The following RASSF3 variants were observed in gnomAD, a reference collection of about 807,000 sequenced individuals.
RASSF3 encodes the protein Ras association domain family member 3.
In RASSF3, 19 loss-of-function variants were observed where a neutral mutation model predicts 19.9. The ratio of observed to expected loss-of-function variants is 0.96; its 90% CI spans 0.67 to 1.40. The LOEUF is 1.40. Ranked by LOEUF, RASSF3 falls within the 40% of genes most tolerant of loss-of-function variation. RASSF3 has a pLI of 0.00. For synonymous variants in RASSF3, 110 were observed against 104.2 expected, an observed-to-expected ratio of 1.06 and a Z score of -0.34; for missense variants, 306 against 289.8, an observed-to-expected ratio of 1.06 and a Z score of -0.41.
At chr12:64,590,782 C>A (rs1426086224) in intron 2 of RASSF3, among the ~76,000 whole-genome samples, 1 of 152,154 alleles carries the variant, frequency 6.6e-6, no homozygotes, top group Non-Finnish European at 1.5e-5. Context: ...CAGCTGTGAG[C>A]ATGGACCCAT....
chr12:64,545,266 G>C (rs542555884), downstream of RASSF3, among the ~76,000 whole-genome samples: 4 of 152,178 alleles, frequency 2.6e-5, no homozygotes, highest in East Asian at 5.8e-4. Context: ...ATGCTTGTTT[G>C]GCTTGGAAAA....
At chr12:64,666,091 T>C (rs987008503) in intron 1 of RASSF3, among the ~76,000 whole-genome samples, 1 of 152,274 alleles carries the variant, frequency 6.6e-6, no homozygotes, top group Non-Finnish European at 1.5e-5. Context: ...TGATCACTTT[T>C]TTATGGAGCC....
intron 1 of RASSF3, among the ~76,000 whole-genome samples, chr12:64,637,426 T>TC (rs202174532): frequency 0.017 from 2,589 of 148,502 alleles, 75 homozygotes; most frequent in African/African-American, 0.06. Flanking sequence ...TTTCTTTCTT[T>TC]TTTTTTTTTT....
downstream of RASSF3, among the ~76,000 whole-genome samples, chr12:64,543,004 C>T (rs1421672486): frequency 7.0e-6 from 1 of 143,702 alleles, no homozygotes; most frequent in Non-Finnish European, 1.5e-5. Flanking sequence ...CTTGGCGGGG[C>T]CCCGCACTTG....
At chr12:64,537,973 G>C (rs138389392) in intron 1 of RASSF3, among the ~76,000 whole-genome samples, 2 of 150,874 alleles carry the variant, frequency 1.3e-5, no homozygotes, top group Admixed American at 6.6e-5. Flanking sequence ...CCTGTGTGTC[G>C]TCTATGTCCT....
chr12:64,541,138 AC>A (rs1175500537), intron 1 of RASSF3, among the ~76,000 whole-genome samples: 1 of 148,666 alleles, frequency 6.7e-6, no homozygotes, highest in Non-Finnish European at 1.5e-5. Flanking sequence ...GGCACCCACC[AC>A]CACATCTGGC....
chr12:64,552,330 G>A (rs1869178405), intron 2 of RASSF3, among the ~76,000 whole-genome samples: 1 of 151,874 alleles, frequency 6.6e-6, no homozygotes, highest in Admixed American at 6.6e-5. Flanking sequence ...TAGTTCTGGG[G>A]TACATGTGCA....
In RASSF3 at chr12:64,694,960, ACAG is replaced by A. The variant is rs1388655215; in HGVS notation, c.*54_*56del. On this transcript the variant is annotated 3_prime_UTR_variant, in exon 5 of 5. Coordinates refer to ENST00000542104, the MANE Select transcript of RASSF3 (RefSeq NM_178169.4). Reference sequence around the variant, plus strand: ...GCCCGGTGCAGGACCGATGTACAAAACAGCAGCAAGTGCCTCTCTTCTCAGAGG... The same window carrying A: ...GCCCGGTGCAGGACCGATGTACAAAACAGCAAGTGCCTCTCTTCTCAGAGG... 1.9e-6 allele frequency: 3 copies of A among 1,592,536 alleles called. No individual in the cohort carries two copies. The African/African-American group carries it at 4.1e-5, about 22-fold the overall frequency.
At chr12:64,609,020 A>G (rs529410512), upstream of RASSF3, among the ~76,000 whole-genome samples, 26 of 152,256 alleles carry the variant, frequency 1.7e-4, no homozygotes, top group South Asian at 5.4e-3. Flanking sequence ...GTGGGGTAAT[A>G]TATACTAGTT....
At chr12:64,543,429 G>GCTC (rs1868980756), downstream of RASSF3, among the ~76,000 whole-genome samples, 1 of 5,506 alleles carries the variant, frequency 1.8e-4, no homozygotes, top group Non-Finnish European at 3.9e-4. Context: ...CCGGCTCCCC[G>GCTC]CCCGCCCCCC....
In RASSF3 at chr12:64,694,939, G is replaced by C. The variant is rs765788681; in HGVS notation, c.*27G>C. ...GCGGGGCTCCCTGCCCGTGAGGCCC[G>C]GTGCAGGACCGATGTACAAAACAGC... is the stretch of plus-strand genomic sequence containing the variant. On this transcript the variant is annotated 3_prime_UTR_variant, in exon 5 of 5. Transcript: ENST00000542104. 6.2e-7 allele frequency: 1 copy of C among 1,608,852 alleles called. No homozygotes were observed. The highest frequency in any genetic ancestry group is 8.5e-7 in the Non-Finnish European group (1 of 1,177,836).
chr12:64,584,968 A>C (rs1246859740), intron 2 of RASSF3, among the ~76,000 whole-genome samples: 1 of 143,552 alleles, frequency 7.0e-6, no homozygotes, highest in Non-Finnish European at 1.5e-5. Flanking sequence ...TCACTGCAAC[A>C]TCCACCTCCC....
At position 64,688,238 on chromosome 12, in the gene RASSF3, G is replaced by C; in HGVS notation, c.242G>C (p.Gly81Ala). Reference protein sequence around the residue: ...MTLNSNGIYTGFIKVQMELCK... With the variant: ...MTLNSNGIYTAFIKVQMELCK... ...CAGAATTCAAATGGGATTTACACTG[G>C]CTTCATTAAAGTACAGATGGAACTC... The change falls in exon 3 of 5, where the codon GGC (glycine) becomes GCC (alanine). Residue 81 changes from glycine to alanine, a missense_variant. By Grantham distance (60) the Gly-to-Ala change is moderately conservative. Transcript: ENST00000542104. 1.9e-6 allele frequency: 3 copies of C among 1,613,898 alleles called. No individual in the cohort carries two copies. Among genetic ancestry groups the C allele is most frequent in the Non-Finnish European group, 2.5e-6 (3 of 1,179,812 alleles).
At chr12:64,679,986 G>A (rs1422814098) in intron 1 of RASSF3, among the ~76,000 whole-genome samples, 1 of 152,128 alleles carries the variant, frequency 6.6e-6, no homozygotes, top group Non-Finnish European at 1.5e-5. Flanking sequence ...ACTTGGTATT[G>A]TATCTATTCC....
At chr12:64,689,848 C>T (rs1159144150) in intron 3 of RASSF3, among the ~76,000 whole-genome samples, 7 of 126,894 alleles carry the variant, frequency 5.5e-5, no homozygotes, top group Non-Finnish European at 1.1e-4. Context: ...GGTGCAGTGG[C>T]GCAATCTTGG....
At chr12:64,578,831 A>C (rs1036371218) in intron 2 of RASSF3, among the ~76,000 whole-genome samples, 7 of 152,144 alleles carry the variant, frequency 4.6e-5, no homozygotes, top group African/African-American at 1.7e-4. Flanking sequence ...GCCAGCTTGC[A>C]ATTCATAAAC....
Position 64,625,115 on chromosome 12 carries a change from T to G in RASSF3, c.111+14372T>G, listed in dbSNP as rs565908769. Among the ~76,000 whole-genome samples, 25 of 152,244 alleles carry G rather than the reference T, an allele frequency of 1.6e-4. No individual in the cohort carries two copies. In the South Asian group the frequency reaches 5.2e-3, roughly 32 times the overall value. The stretch of plus-strand genomic sequence containing the variant: ...CAAAGAGCGAAAAATGGCAGGAAAT[T>G]GGAAATTAGGTCTGTCTCATTGGCT... On this transcript the variant is annotated intron_variant, in intron 1 of 4. Transcript: ENST00000542104.
At chr12:64,521,950 C>T (rs1868487343) in intron 1 of RASSF3, among the ~76,000 whole-genome samples, 1 of 152,178 alleles carries the variant, frequency 6.6e-6, no homozygotes, top group Admixed American at 6.5e-5. Flanking sequence ...GAACACAGCC[C>T]TTCTGCTGGC....
chr12:64,556,512 C>T (rs1185440126), intron 2 of RASSF3, among the ~76,000 whole-genome samples: 2 of 152,102 alleles, frequency 1.3e-5, no homozygotes, highest in African/African-American at 4.8e-5. Flanking sequence ...AGGAGTCCTT[C>T]CTTTTGCAGG....
Sources: gnomAD v4.1 joint callset for allele counts (sites outside exome capture counted in the v4.1 genomes callset) on GRCh38, gnomAD v4.1.1 for gene constraint, MANE v1.5 for transcripts, NCBI Gene and HGNC (gene_info 2026-07-23, HGNC 2026-07-21) for gene names.